NFATC1: variants seen among roughly 807,000 people sequenced by gnomAD.
NFATC1 encodes nuclear factor of activated T-cells, cytoplasmic 1.
In NFATC1, 22 loss-of-function variants were observed where a neutral mutation model predicts 76.0. The observed-to-expected ratio is 0.29, with a 90% CI of 0.21 to 0.41. The LOEUF is 0.41. NFATC1 is among the 10% of genes least tolerant of loss of function. The pLI is 1.00. For missense variants in NFATC1, 1,357 were observed against 1,337.7 expected (o/e 1.01, Z -0.23); for synonymous variants, 704 against 613.1 (o/e 1.15, Z -2.19).
At chr18:79,526,813 T>C (rs2090777717) in intron 9 of NFATC1, among the ~76,000 whole-genome samples, 3 of 152,222 alleles carry the variant, frequency 2.0e-5, no homozygotes, top group Admixed American at 6.5e-5. Flanking sequence ...CAGAAACACG[T>C]GGGGCTTATC....
intron 8 of NFATC1, among the ~76,000 whole-genome samples, chr18:79,479,684 G>A (rs576205760): frequency 6.6e-6 from 1 of 152,358 alleles, no homozygotes; most frequent in South Asian, 2.1e-4. Context: ...AGAACATCCC[G>A]CTGCATCCTC....
At chr18:79,401,718 C>T (rs543603521) in intron 1 of NFATC1, among the ~76,000 whole-genome samples, 1 of 152,344 alleles carries the variant, frequency 6.6e-6, no homozygotes, top group Admixed American at 6.5e-5. Context: ...AGTGTGGCCA[C>T]CAGGGTGGCC....
chr18:79,478,102 C>A (rs1431955004), intron 8 of NFATC1, among the ~76,000 whole-genome samples: 1 of 132,474 alleles, frequency 7.5e-6, no homozygotes. Flanking sequence ...CCCAGGCCCC[C>A]GTTCTTGCCC....
At chr18:79,436,869 G>C (rs1028145842) in intron 3 of NFATC1, among the ~76,000 whole-genome samples, 2 of 152,116 alleles carry the variant, frequency 1.3e-5, no homozygotes, top group African/African-American at 4.8e-5. Flanking sequence ...CGTGCCCCCT[G>C]CCGTCTCTGT....
At chr18:79,400,455 G>A (rs995552904) in intron 1 of NFATC1, 3 of 1,490,090 alleles carry the variant, frequency 2.0e-6, no homozygotes, top group Non-Finnish European at 2.7e-6. Flanking sequence ...CCAGCGCGAC[G>A]AGGGCGCCGC....
At chr18:79,520,215 C>T (rs1364411110) in intron 9 of NFATC1, among the ~76,000 whole-genome samples, 1 of 138,722 alleles carries the variant, frequency 7.2e-6, no homozygotes, top group Non-Finnish European at 1.6e-5. Flanking sequence ...CCCCGCTGCG[C>T]TGCCGGGAGG....
intron 9 of NFATC1, among the ~76,000 whole-genome samples, chr18:79,525,039 TC>T: frequency 8.7e-6 from 1 of 115,514 alleles, no homozygotes; most frequent in Non-Finnish European, 1.9e-5. Context: ...CCTCCCCACG[TC>T]CCACCGTCGT....
At chr18:79,459,517 C>T (rs536086628) in intron 6 of NFATC1, among the ~76,000 whole-genome samples, 2 of 152,266 alleles carry the variant, frequency 1.3e-5, no homozygotes, top group African/African-American at 4.8e-5. Flanking sequence ...CCCGTGTGCG[C>T]CTCAGTGTCC....
chr18:79,463,911 C>G (rs928395394), intron 7 of NFATC1, among the ~76,000 whole-genome samples: 3 of 152,238 alleles, frequency 2.0e-5, no homozygotes, highest in Admixed American at 1.3e-4. Flanking sequence ...CCAGGAGGAG[C>G]CGTGAGCCTT....
At chr18:79,526,927 A>C (rs1046787665) in intron 9 of NFATC1, among the ~76,000 whole-genome samples, 1 of 152,232 alleles carries the variant, frequency 6.6e-6, no homozygotes, top group Non-Finnish European at 1.5e-5. Flanking sequence ...ACGTGGCGAC[A>C]GTGCTGGTGG....
At chr18:79,432,763 A>G (rs940003856) in intron 2 of NFATC1, among the ~76,000 whole-genome samples, 2 of 152,222 alleles carry the variant, frequency 1.3e-5, no homozygotes, top group African/African-American at 4.8e-5. Flanking sequence ...GTGTTGAGAC[A>G]GTCTGCCTGG....
chr18:79,413,083 C>T (rs2085754015), intron 2 of NFATC1, among the ~76,000 whole-genome samples: 1 of 152,232 alleles, frequency 6.6e-6, no homozygotes, highest in Admixed American at 6.5e-5. Flanking sequence ...GTGGCACTGA[C>T]TCTCCAGCCC....
chr18:79,416,850 C>T (rs1432525921), intron 2 of NFATC1, among the ~76,000 whole-genome samples: 1 of 152,210 alleles, frequency 6.6e-6, no homozygotes, highest in Admixed American at 6.5e-5. Flanking sequence ...CTGCTGTTTC[C>T]TGCTGTTTCT....
chr18:79,476,644 G>T (rs1174200958), intron 8 of NFATC1, among the ~76,000 whole-genome samples: 1 of 152,196 alleles, frequency 6.6e-6, no homozygotes, highest in Non-Finnish European at 1.5e-5. Context: ...CACCGATGTT[G>T]CTCGGGGTCG....
intron 9 of NFATC1, among the ~76,000 whole-genome samples, chr18:79,489,819 C>A (rs768341188): frequency 2.0e-4 from 31 of 152,244 alleles, no homozygotes; most frequent in Non-Finnish European, 4.6e-4. Flanking sequence ...GTTTATGGGT[C>A]CTGTGTGCTT....
chr18:79,428,876 T>A (rs2086487259), intron 2 of NFATC1, among the ~76,000 whole-genome samples: 1 of 151,982 alleles, frequency 6.6e-6, no homozygotes, highest in African/African-American at 2.4e-5. Flanking sequence ...AGTACCAAAT[T>A]ATGTGTCTCA....
At chr18:79,488,841 C>T (rs1242875723) in intron 9 of NFATC1, among the ~76,000 whole-genome samples, 1 of 152,218 alleles carries the variant, frequency 6.6e-6, no homozygotes, top group Non-Finnish European at 1.5e-5. Flanking sequence ...CAGCTCTGGG[C>T]TCCCACAATT....
chr18:79,406,143 C>CT (rs144651777), intron 1 of NFATC1, among the ~76,000 whole-genome samples: 12,582 of 152,242 alleles, frequency 0.083, 566 homozygotes, highest in Non-Finnish European at 0.094. Context: ...GGTGGGGAGG[C>CT]CCCAAGACTT....
intron 9 of NFATC1, among the ~76,000 whole-genome samples, chr18:79,487,403 C>T (rs2089539472): frequency 6.6e-6 from 1 of 152,222 alleles, no homozygotes. Flanking sequence ...CCCCGTGCGG[C>T]TCTGTAAACA....
Sources: allele counts gnomAD v4.1 joint callset (sites outside exome capture counted in the v4.1 genomes callset), GRCh38; gene constraint gnomAD v4.1.1; transcripts MANE v1.5; gene names NCBI Gene and HGNC (gene_info 2026-07-23, HGNC 2026-07-21).